The following SMARCC1 variants were observed in gnomAD, a reference collection of about 807,000 sequenced individuals.
SMARCC1 encodes SWI/SNF related BAF chromatin remodeling complex subunit C1, also known as SWI/SNF complex subunit SMARCC1.
SMARCC1 carries 43 observed loss-of-function variants against 147.4 expected under a neutral mutation model. That is an observed-to-expected ratio of 0.29 (90% confidence interval 0.23 to 0.38). The LOEUF (loss-of-function observed/expected upper bound fraction) is 0.38. SMARCC1 is among the 10% of genes least tolerant of loss of function. SMARCC1 has a pLI of 1.00. For missense variants in SMARCC1, 1,119 were observed against 1,381.1 expected (o/e 0.81, Z 3.01); for synonymous variants, 495 against 484.4 (o/e 1.02, Z -0.29).
intron 26 of SMARCC1, among the ~76,000 whole-genome samples, chr3:47,599,254 A>G (rs1319202902): frequency 6.6e-6 from 1 of 152,106 alleles, no homozygotes; most frequent in African/African-American, 2.4e-5. Context: ...AGGAGTGCAC[A>G]TGCCTGTAAT....
intron 3 of SMARCC1, among the ~76,000 whole-genome samples, chr3:47,744,626 T>C (rs189974072): frequency 6.6e-6 from 1 of 152,250 alleles, no homozygotes; most frequent in Non-Finnish European, 1.5e-5. Context: ...GGTTATAAAC[T>C]GTGCACCACT....
intron 8 of SMARCC1, among the ~76,000 whole-genome samples, chr3:47,713,440 T>G (rs1466016799): frequency 6.6e-6 from 1 of 152,146 alleles, no homozygotes; most frequent in Non-Finnish European, 1.5e-5. Context: ...ATTTTTTTGT[T>G]TTGAGACAGG....
intron 10 of SMARCC1, among the ~76,000 whole-genome samples, chr3:47,704,451 G>C (rs907418022): frequency 6.6e-6 from 1 of 151,984 alleles, no homozygotes; most frequent in East Asian, 1.9e-4. Context: ...CAGAGTAGAG[G>C]GTATATGTCA....
intron 2 of SMARCC1, among the ~76,000 whole-genome samples, chr3:47,757,688 G>T (rs2106857117): frequency 6.6e-6 from 1 of 151,856 alleles, no homozygotes; most frequent in Admixed American, 6.6e-5. Context: ...GGAGGCTGAG[G>T]GAGGAAAACG....
chr3:47,664,006 G>A (rs2033386343), intron 19 of SMARCC1: 3 of 830,912 alleles, frequency 3.6e-6, no homozygotes, highest in Non-Finnish European at 5.6e-6. Context: ...GCCCTACCAT[G>A]GGACTTACTC....
chr3:47,735,021 C>T (rs527903582), intron 5 of SMARCC1, among the ~76,000 whole-genome samples: 1 of 152,210 alleles, frequency 6.6e-6, no homozygotes, highest in East Asian at 1.9e-4. Flanking sequence ...TCTCAAAGTG[C>T]TGGGATTACA....
chr3:47,780,168 G>GTTTTTTTTTTTTT (rs10662354), intron 1 of SMARCC1, among the ~76,000 whole-genome samples: 886 of 61,258 alleles, frequency 0.014, 25 homozygotes, highest in East Asian at 0.021. Flanking sequence ...GTTTTTTTTT[G>GTTTTTTTTTTTTT]TTTTTTTTTT....
intron 9 of SMARCC1, 50 bp from the exon 10 acceptor site, chr3:47,706,580 T>G: frequency 6.8e-7 from 1 of 1,480,434 alleles, no homozygotes; most frequent in Non-Finnish European, 9.0e-7. Context: ...GCTCCTCAGT[T>G]TCTACAAATC....
intron 22 of SMARCC1, 149 bp downstream of exon 22, chr3:47,638,576 C>T (rs12633923): frequency 0.97 from 632,871 of 651,892 alleles, 309,431 homozygotes; most frequent in East Asian, 1. Context: ...ATATTATATC[C>T]TGTGAGAACT....
chr3:47,669,966 T>C (rs2033474040), intron 19 of SMARCC1, among the ~76,000 whole-genome samples: 1 of 152,236 alleles, frequency 6.6e-6, no homozygotes, highest in Admixed American at 6.5e-5. Context: ...TTTCATTATG[T>C]TGACATTTGC....
chr3:47,611,835 G>A (rs1468959796), intron 25 of SMARCC1, among the ~76,000 whole-genome samples: 1 of 152,182 alleles, frequency 6.6e-6, no homozygotes, highest in East Asian at 1.9e-4. Flanking sequence ...CATGAACACA[G>A]TATGAAGAAA....
intron 26 of SMARCC1, among the ~76,000 whole-genome samples, chr3:47,602,794 T>G (rs1266838856): frequency 6.6e-6 from 1 of 152,206 alleles, no homozygotes. Context: ...GCTTCCCCAG[T>G]GCAGGCAGCT....
chr3:47,723,530 G>A (rs1450238889), intron 6 of SMARCC1, among the ~76,000 whole-genome samples: 4 of 151,510 alleles, frequency 2.6e-5, no homozygotes, highest in African/African-American at 9.7e-5. Flanking sequence ...ATTTAAAAAG[G>A]AGGCCAGGCA....
chr3:47,617,387 T>A (rs1349768206), intron 25 of SMARCC1, among the ~76,000 whole-genome samples: 1 of 152,232 alleles, frequency 6.6e-6, no homozygotes, highest in Non-Finnish European at 1.5e-5. Context: ...GGAAATAAAG[T>A]GAGTAAATCC....
Position 47,635,236 on chromosome 3 carries a change from G to T in SMARCC1, c.2600C>A (p.Ala867Asp). ...GGCAAGAGCAGCTGCTGCGGCTGTG[G>T]CAACATTTCCTTCGGAAATTTCATG... ...VEHEISEGNV[A>D]TAAAAALASA... Residue 867 changes from alanine (A) to aspartate (D), a missense_variant, in exon 24 of 28, where the codon GCC becomes GAC. Ala to Asp is a moderately radical substitution (Grantham distance 126). Coordinates refer to ENST00000254480, the MANE Select transcript of SMARCC1 (RefSeq NM_003074.4). 6.2e-7 allele frequency: 1 copy of T among 1,613,792 alleles called. No individual in the cohort carries two copies. The highest frequency in any genetic ancestry group is 1.1e-5 in the South Asian group (1 of 91,076).
At chr3:47,746,592 G>C (rs1382494496) in intron 2 of SMARCC1, among the ~76,000 whole-genome samples, 3 of 152,018 alleles carry the variant, frequency 2.0e-5, no homozygotes, top group African/African-American at 7.2e-5. Flanking sequence ...GGACAATATA[G>C]CAAGACCCCA....
intron 24 of SMARCC1, among the ~76,000 whole-genome samples, chr3:47,625,824 G>T (rs1353983873): frequency 6.6e-6 from 1 of 151,874 alleles, no homozygotes; most frequent in Non-Finnish European, 1.5e-5. Context: ...AATTAGGTTG[G>T]ACCTCATCAA....
intron 6 of SMARCC1, 121 bp downstream of exon 6, chr3:47,728,898 CCATCTT>C (rs1356430990): frequency 3.7e-6 from 2 of 534,632 alleles, no homozygotes; most frequent in Non-Finnish European, 6.4e-6. Flanking sequence ...GCGACAGACT[CCATCTT>C]CAAAACAAAA....
At chr3:47,662,264 C>T (rs770321549) in intron 20 of SMARCC1, 70 bp downstream of exon 20, 75 of 1,258,618 alleles carry the variant, frequency 6.0e-5, no homozygotes, top group Non-Finnish European at 7.4e-5. Context: ...ATGAATGTAA[C>T]GGCTGGTAAT....
Sources: allele counts gnomAD v4.1 joint callset (sites outside exome capture counted in the v4.1 genomes callset), GRCh38; gene constraint gnomAD v4.1.1; transcripts MANE v1.5; gene names NCBI Gene and HGNC (gene_info 2026-07-23, HGNC 2026-07-21).